Variants in UNC5D observed in about 807,000 individuals in gnomAD.
UNC5D encodes the protein unc-5 netrin receptor D.
UNC5D carries 39 observed loss-of-function variants against 105.4 expected under a neutral mutation model. The ratio of observed to expected loss-of-function variants is 0.37; its 90% CI spans 0.29 to 0.48. The LOEUF (loss-of-function observed/expected upper bound fraction) is 0.48, where lower values mean the gene tolerates loss of function less well. UNC5D is among the 20% of genes least tolerant of loss of function. The probability of loss-of-function intolerance (pLI) is 0.98; values close to 1 mark genes in which losing one functional copy is unlikely to be tolerated. For missense variants in UNC5D, 991 were observed against 1,202.4 expected (o/e 0.82, Z 2.60); for synonymous variants, 452 against 450.4 (o/e 1.00, Z -0.04).
chr8:35,450,864 A>G (rs1808101142), intron 1 of UNC5D, among the ~76,000 whole-genome samples: 1 of 152,100 alleles, frequency 6.6e-6, no homozygotes, highest in Non-Finnish European at 1.5e-5. Context: ...TTTTTGTTGG[A>G]TGATTTTGTC....
intron 1 of UNC5D, among the ~76,000 whole-genome samples, chr8:35,547,990 G>A (rs965920960): frequency 1.5e-4 from 23 of 152,148 alleles, no homozygotes; most frequent in Non-Finnish European, 2.9e-4. Context: ...CATCCAGCAC[G>A]GGAGAACAAT....
At chr8:35,479,610 A>G (rs970586106) in intron 1 of UNC5D, among the ~76,000 whole-genome samples, 1 of 152,214 alleles carries the variant, frequency 6.6e-6, no homozygotes, top group East Asian at 1.9e-4. Flanking sequence ...ACACAGCCGT[A>G]TAAAAGAATG....
chr8:35,607,219 A>T (rs1820352022), intron 4 of UNC5D, among the ~76,000 whole-genome samples: 1 of 152,236 alleles, frequency 6.6e-6, no homozygotes, highest in Non-Finnish European at 1.5e-5. Context: ...ATATAGATGT[A>T]TCAGAAAGCA....
intron 1 of UNC5D, among the ~76,000 whole-genome samples, chr8:35,460,383 A>C (rs1808805158): frequency 6.6e-6 from 1 of 152,206 alleles, no homozygotes; most frequent in Non-Finnish European, 1.5e-5. Context: ...GTAGGTTAGA[A>C]CAAACTGCAC....
At chr8:35,457,922 G>T (rs908011901) in intron 1 of UNC5D, among the ~76,000 whole-genome samples, 1 of 152,118 alleles carries the variant, frequency 6.6e-6, no homozygotes, top group Non-Finnish European at 1.5e-5. Context: ...AATCCCAAAT[G>T]ATCCAAGAAT....
chr8:35,238,389 C>T (rs924293815), intron 1 of UNC5D, among the ~76,000 whole-genome samples: 1 of 152,214 alleles, frequency 6.6e-6, no homozygotes. Context: ...AAGCAATGTT[C>T]TGTTTCCCTC....
chr8:35,332,416 A>G (rs909892967), intron 1 of UNC5D, among the ~76,000 whole-genome samples: 3 of 152,212 alleles, frequency 2.0e-5, no homozygotes, highest in Admixed American at 2.0e-4. Flanking sequence ...AACAACAACA[A>G]GAAGCAAATA....
chr8:35,469,552 G>T (rs1451084236), intron 1 of UNC5D, among the ~76,000 whole-genome samples: 1 of 152,076 alleles, frequency 6.6e-6, no homozygotes, highest in Non-Finnish European at 1.5e-5. Flanking sequence ...CTTTGCTTTG[G>T]AATACTCACT....
intron 1 of UNC5D, among the ~76,000 whole-genome samples, chr8:35,413,064 G>A (rs559639061): frequency 6.6e-6 from 1 of 152,172 alleles, no homozygotes; most frequent in African/African-American, 2.4e-5. Flanking sequence ...CTGCAAATGC[G>A]CTATGTAGTG....
intron 4 of UNC5D, among the ~76,000 whole-genome samples, chr8:35,674,920 T>C (rs1176796404): frequency 6.6e-6 from 1 of 152,334 alleles, no homozygotes; most frequent in African/African-American, 2.4e-5. Flanking sequence ...GGAGTGATCA[T>C]GTTGTGAACT....
intron 4 of UNC5D, among the ~76,000 whole-genome samples, chr8:35,613,587 G>T (rs1363599343): frequency 6.6e-6 from 1 of 152,160 alleles, no homozygotes; most frequent in African/African-American, 2.4e-5. Flanking sequence ...GCCAGGCATG[G>T]TCACTCACGC....
rs117828170 is a variant in UNC5D at position 35,685,663 on chromosome 8, A to C, written c.920-882A>C. ...TGTGCAGGATGCTTTTACATACATA[A>C]TGTTGTTTACTCCTGTGTTGTGAGT... On this transcript the variant is annotated intron_variant, in intron 6 of 16. Transcript: ENST00000404895. 5.4e-3 allele frequency among the ~76,000 whole-genome samples: 825 copies of C among 152,218 alleles called. 4 individuals are homozygous for C. Among genetic ancestry groups the C allele is most frequent in the Non-Finnish European group, 8.8e-3 (600 of 68,018 alleles).
rs192183122 is a variant in UNC5D, at chr8:35,541,910, G to T, written c.104-7382G>T. The stretch of plus-strand genomic sequence containing the variant: ...ATTGGAGAATAATGAACGTGCTTTT[G>T]TAGAGTCTACTGAAATCTGAAGTTC... On this transcript the variant is annotated intron_variant, in intron 1 of 16. Transcript: ENST00000404895. Among the ~76,000 whole-genome samples, 55 of 152,236 alleles carry T rather than the reference G, an allele frequency of 3.6e-4. No homozygotes were observed. The East Asian group carries it at 8.1e-3, about 22-fold the overall frequency.
chr8:35,514,032 G>A (rs1461551355), intron 1 of UNC5D, among the ~76,000 whole-genome samples: 2 of 152,142 alleles, frequency 1.3e-5, no homozygotes, highest in Admixed American at 1.3e-4. Flanking sequence ...GAAAACCATT[G>A]GTGAAAAGGA....
At chr8:35,286,179 T>C (rs1806584258) in intron 1 of UNC5D, among the ~76,000 whole-genome samples, 1 of 152,286 alleles carries the variant, frequency 6.6e-6, no homozygotes, top group African/African-American at 2.4e-5. Context: ...TCAATATATA[T>C]GACTTTAAGA....
chr8:35,457,929 G>T (rs534131148), intron 1 of UNC5D, among the ~76,000 whole-genome samples: 2 of 152,246 alleles, frequency 1.3e-5, no homozygotes, highest in African/African-American at 4.8e-5. Context: ...AATGATCCAA[G>T]AATCTCATGA....
rs1407793347 is a variant in UNC5D at position 35,751,371 on chromosome 8, A to ACTC, written c.2163+564_2163+566dup. ...GAATCTTGTAGCCTCCAGCTGCATG[A>ACTC]CTCCGAAACCATAATTTCTAATCTT... On this transcript the variant is annotated intron_variant, in intron 13 of 16. Transcript: ENST00000404895. Among the ~76,000 whole-genome samples the ACTC allele has an allele frequency of 5.9e-5, 9 of 152,140 alleles. No homozygotes were observed. The South Asian group carries it at 1.0e-3, about 18-fold the overall frequency.
chr8:35,570,233 A>C (rs570281690), intron 3 of UNC5D, among the ~76,000 whole-genome samples: 2 of 152,214 alleles, frequency 1.3e-5, no homozygotes, highest in East Asian at 3.9e-4. Flanking sequence ...TGCAGTTTCT[A>C]CTTTCACACA....
intron 1 of UNC5D, among the ~76,000 whole-genome samples, chr8:35,248,733 A>G (rs1333378440): frequency 1.0e-5 from 1 of 100,258 alleles, no homozygotes; most frequent in African/African-American, 4.3e-5. Context: ...ATAAAAATAT[A>G]TAATATATAT....
Sources: allele counts gnomAD v4.1 joint callset (sites outside exome capture counted in the v4.1 genomes callset), GRCh38; gene constraint gnomAD v4.1.1; transcripts MANE v1.5; gene names NCBI Gene and HGNC (gene_info 2026-07-23, HGNC 2026-07-21).